ANKRD6: variants seen among roughly 807,000 people sequenced by gnomAD.
ANKRD6 encodes the protein ankyrin repeat domain 6.
Under a neutral mutation model 82.3 loss-of-function variants are expected in ANKRD6, and 56 were observed. That is an observed-to-expected ratio of 0.68 (90% CI 0.55 to 0.85). The LOEUF is 0.85. Among genes scored for constraint, ANKRD6 ranks in the 40% least tolerant of loss-of-function variants. ANKRD6 has a pLI of 0.00. For synonymous variants in ANKRD6, 347 were observed against 352.1 expected, an observed-to-expected ratio of 0.99 and a Z score of 0.16; for missense variants, 852 against 907.6, an observed-to-expected ratio of 0.94 and a Z score of 0.79.
chr6:89,516,226 G>C (rs1454786501), intron 1 of ANKRD6, among the ~76,000 whole-genome samples: 1 of 152,158 alleles, frequency 6.6e-6, no homozygotes, highest in African/African-American at 2.4e-5. Context: ...CCCCAGTGTG[G>C]ATGGGGATCA....
chr6:89,558,655 T>C (rs933587652), intron 1 of ANKRD6, among the ~76,000 whole-genome samples: 27 of 152,152 alleles, frequency 1.8e-4, no homozygotes, highest in Non-Finnish European at 5.9e-5. Context: ...AGATGCATGG[T>C]ATTATTCATT....
intron 12 of ANKRD6, 21 bp from the exon 13 acceptor site, chr6:89,624,518 C>T: frequency 6.4e-7 from 1 of 1,551,536 alleles, no homozygotes; most frequent in African/African-American, 1.4e-5. Context: ...GGGATTGATT[C>T]CTTTTTTGTT....
chr6:89,577,206 C>T (rs963234490), intron 2 of ANKRD6, among the ~76,000 whole-genome samples: 11 of 151,844 alleles, frequency 7.2e-5, no homozygotes, highest in African/African-American at 2.7e-4. Flanking sequence ...AGCAGAAGCC[C>T]AAAGCCATCG....
chr6:89,575,393 T>C (rs535109657), intron 2 of ANKRD6, among the ~76,000 whole-genome samples: 6 of 152,242 alleles, frequency 3.9e-5, no homozygotes, highest in Non-Finnish European at 7.4e-5. Context: ...AGAAAAACTT[T>C]TGCTTGTGAG....
At chr6:89,465,736 A>G (rs963258442) in intron 1 of ANKRD6, among the ~76,000 whole-genome samples, 2 of 151,986 alleles carry the variant, frequency 1.3e-5, no homozygotes, top group Non-Finnish European at 2.9e-5. Context: ...GGTAGCACAT[A>G]CCTGTGGTCC....
rs541191698 is a variant in ANKRD6 at position 89,471,461 on chromosome 6, C to T, written c.-144+38086C>T. 1.4e-4 allele frequency among the ~76,000 whole-genome samples: 22 copies of T among 151,738 alleles called. No homozygotes were observed. In the East Asian group the frequency reaches 4.3e-3, roughly 29 times the overall value. ...TGAAGCCACGAGACTGGATGGGACC[C>T]CTAGAGAGTAAGTATATATAGACAG... On this transcript the variant is annotated intron_variant, in intron 1 of 15. Coordinates refer to ENST00000339746, the MANE Select transcript of ANKRD6 (RefSeq NM_001242809.2).
At chr6:89,501,477 A>G (rs1219610961) in intron 1 of ANKRD6, among the ~76,000 whole-genome samples, 1 of 152,214 alleles carries the variant, frequency 6.6e-6, no homozygotes, top group Non-Finnish European at 1.5e-5. Flanking sequence ...CATTCTTTAG[A>G]AACACATTCC....
intron 2 of ANKRD6, among the ~76,000 whole-genome samples, chr6:89,583,509 A>T (rs1006927072): frequency 6.6e-6 from 1 of 152,180 alleles, no homozygotes; most frequent in African/African-American, 2.4e-5. Flanking sequence ...AAAGGTAGGT[A>T]GGTGTCCCTA....
intron 1 of ANKRD6, among the ~76,000 whole-genome samples, chr6:89,471,667 TAAG>T (rs1327036822): frequency 2.0e-5 from 3 of 151,866 alleles, no homozygotes; most frequent in Non-Finnish European, 4.4e-5. Context: ...TGAGCAAAGT[TAAG>T]GAGAAAGGAT....
In ANKRD6 at chr6:89,579,756, C is replaced by CAAAAAAAAAA. The variant is rs61159223; in HGVS notation, c.120+12673_120+12682dup. Among the ~76,000 whole-genome samples the CAAAAAAAAAA allele has an allele frequency of 5.8e-5, 4 of 68,506 alleles. 1 individual carries two copies. The highest frequency in any genetic ancestry group is 2.4e-4 in the Admixed American group (1 of 4,102). 44.9% of individuals were successfully genotyped at this position (68,506 alleles called of 152,430 possible). ...TGGGCCACAGAGCAAGACCCTGTCT[C>CAAAAAAAAAA]AAAAAAAAAAAAAAAAAAAAAAGGC... is the stretch of plus-strand genomic sequence containing the variant. On this transcript the variant is annotated intron_variant, in intron 2 of 15. Transcript: ENST00000339746.
intron 1 of ANKRD6, among the ~76,000 whole-genome samples, chr6:89,450,387 A>G (rs1354776093): frequency 1.3e-5 from 2 of 152,134 alleles, no homozygotes; most frequent in African/African-American, 4.8e-5. Flanking sequence ...AGCCACCCCA[A>G]CATTCAACAA....
At chr6:89,466,905 T>C (rs974582194) in intron 1 of ANKRD6, among the ~76,000 whole-genome samples, 3 of 152,166 alleles carry the variant, frequency 2.0e-5, no homozygotes, top group South Asian at 4.1e-4. Context: ...TGGGGTCTTA[T>C]CTTGTTTTCC....
intron 3 of ANKRD6, chr6:89,602,718 G>GTC: frequency 2.8e-6 from 1 of 351,300 alleles, no homozygotes; most frequent in Non-Finnish European, 5.4e-6. Context: ...ACCTGTGATA[G>GTC]TCATAGCCCC....
At chr6:89,500,343 T>C (rs1294140842) in intron 1 of ANKRD6, among the ~76,000 whole-genome samples, 1 of 152,130 alleles carries the variant, frequency 6.6e-6, no homozygotes, top group African/African-American at 2.4e-5. Flanking sequence ...GCTGTGATAT[T>C]GAAGATAGAA....
At position 89,630,455 on chromosome 6, in the gene ANKRD6, T is replaced by G; in HGVS notation, c.1635T>G (p.Thr545=). Residue 545 remains threonine, a synonymous_variant, in exon 16 of 16, where the codon ACT becomes ACG. Coordinates refer to ENST00000339746, the MANE Select transcript of ANKRD6 (RefSeq NM_001242809.2). ...CAGGTGTGGACCAATTAGTGGTGACTGCAGGTCCAGCAGCAGCTTCCGACA... is the reference window on the plus strand; with the variant it reads ...CAGGTGTGGACCAATTAGTGGTGACGGCAGGTCCAGCAGCAGCTTCCGACA... ...SSTGVDQLVV[T]AGPAAASDSS... The G allele has an allele frequency of 6.2e-7, 1 of 1,613,264 alleles. No homozygotes were observed. Among genetic ancestry groups the G allele is most frequent in the Non-Finnish European group, 8.5e-7 (1 of 1,179,508 alleles).
chr6:89,542,193 T>G (rs1028906830), intron 1 of ANKRD6, among the ~76,000 whole-genome samples: 1 of 152,220 alleles, frequency 6.6e-6, no homozygotes, highest in Non-Finnish European at 1.5e-5. Flanking sequence ...GTTTCTGTAT[T>G]TCGTGTACCT....
chr6:89,514,900 C>A (rs1447315289), intron 1 of ANKRD6, among the ~76,000 whole-genome samples: 1 of 152,134 alleles, frequency 6.6e-6, no homozygotes, highest in African/African-American at 2.4e-5. Flanking sequence ...TCCTTCTTGT[C>A]TGGGCGTAGT....
At chr6:89,604,278 A>G (rs1797974309) in intron 4 of ANKRD6, among the ~76,000 whole-genome samples, 1 of 152,154 alleles carries the variant, frequency 6.6e-6, no homozygotes, top group African/African-American at 2.4e-5. Flanking sequence ...CAGTGAGCTG[A>G]GATCGTGCCA....
chr6:89,602,874 C>CTACTAACAAGGTTA (rs1156603369), intron 3 of ANKRD6, 155 bp from the exon 4 acceptor site: 1 of 590,686 alleles, frequency 1.7e-6, no homozygotes, highest in African/African-American at 1.8e-5. Flanking sequence ...GACCACAAAG[C>CTACTAACAAGGTTA]CCGCCTTGCC....
Sources: allele counts gnomAD v4.1 joint callset (sites outside exome capture counted in the v4.1 genomes callset), GRCh38; gene constraint gnomAD v4.1.1; transcripts MANE v1.5; gene names NCBI Gene and HGNC (gene_info 2026-07-23, HGNC 2026-07-21).